Variants in RBBP4 observed in about 807,000 individuals in gnomAD.
RBBP4 encodes the protein histone-binding protein RBBP4.
Under a neutral mutation model 57.2 loss-of-function variants are expected in RBBP4, and 3 were observed. The observed-to-expected ratio is 0.05, with a 90% confidence interval of 0.02 to 0.14. The LOEUF (loss-of-function observed/expected upper bound fraction) is 0.14. Ranked by LOEUF, RBBP4 falls within the 10% of genes least tolerant of loss-of-function variation. The pLI, the probability that RBBP4 is intolerant of heterozygous loss-of-function variation, is 1.00. For synonymous variants in RBBP4, 151 were observed against 171.5 expected (o/e 0.88, Z 0.93); for missense variants, 107 against 520.6 (o/e 0.21, Z 7.73).
rs1367611091 is a variant in RBBP4, at chr1:32,682,707, G to T, written c.*3002G>T. 3.3e-5 allele frequency: 5 copies of T among 151,952 alleles called. No homozygotes were observed. The highest frequency in any genetic ancestry group is 4.8e-5 in the African/African-American group (2 of 41,348). The allele number at this position is 151,952 out of a possible 1,614,324, so 9.4% of individuals were successfully genotyped here. A position where few individuals can be genotyped will look rare whatever the true frequency, so the allele number is the denominator to read the frequency against. ...AATCACTTGAACCCAGGAGGTGGAGGTTGCAGTGAACTGAGACCGTGCCAC... is the reference window on the plus strand; with the variant it reads ...AATCACTTGAACCCAGGAGGTGGAGTTTGCAGTGAACTGAGACCGTGCCAC... On this transcript the variant is annotated 3_prime_UTR_variant, in exon 12 of 12. Coordinates refer to ENST00000373493, the MANE Select transcript of RBBP4 (RefSeq NM_005610.3).
At chr1:32,668,201 C>T (rs1267047022) in intron 3 of RBBP4, 24 bp from the exon 4 acceptor site, 2 of 1,600,860 alleles carry the variant, frequency 1.2e-6, no homozygotes, top group Admixed American at 1.7e-5. Context: ...GTTTTGTCCT[C>T]ATTTGCAATT....
intron 3 of RBBP4, among the ~76,000 whole-genome samples, chr1:32,660,588 A>ATT (rs4011925): frequency 0.83 from 119,118 of 144,362 alleles, 51,281 homozygotes; most frequent in Non-Finnish European, 0.95. Flanking sequence ...AGATAACTTA[A>ATT]TTTTTTTTTT....
Position 32,680,354 on chromosome 1 carries a change from T to G in RBBP4, c.*649T>G. The stretch of plus-strand genomic sequence containing the variant: ...TGAAATGGTGTTTTTTTTTTTGTTG[T>G]TGGTTTTTTTTTTTTTTTTTTTAAC... On this transcript the variant is annotated 3_prime_UTR_variant, in exon 12 of 12. Transcript: ENST00000373493. The G allele has an allele frequency of 6.7e-6, 8 of 1,189,366 alleles. No individual in the cohort carries two copies. Among genetic ancestry groups the G allele is most frequent in the Non-Finnish European group, 8.4e-6 (8 of 952,760 alleles). 73.7% of individuals were successfully genotyped at this position (1,189,366 alleles called of 1,614,324 possible).
chr1:32,684,021 G>A lies in RBBP4; in HGVS notation c.*4316G>A. ...TTCACAAAGATCACCTTGAGACTGT[G>A]TCTCCATTCCACCTGCCTGAGAAGT... On this transcript the variant is annotated 3_prime_UTR_variant, in exon 12 of 12. Coordinates refer to ENST00000373493, the MANE Select transcript of RBBP4 (RefSeq NM_005610.3). The A allele has an allele frequency of 6.2e-7, 1 of 1,614,104 alleles. No homozygotes were observed.
intron 8 of RBBP4, among the ~76,000 whole-genome samples, chr1:32,671,644 A>C (rs982394723): frequency 1.3e-5 from 2 of 151,800 alleles, no homozygotes; most frequent in African/African-American, 4.8e-5. Flanking sequence ...AGATCCCTTG[A>C]GCCCAAGAGT....
rs193182054 is a variant in RBBP4, at chr1:32,684,656, G to A, written c.*4951G>A. 8.7e-5 allele frequency: 35 copies of A among 403,004 alleles called. No individual in the cohort carries two copies. In the Admixed American group the frequency reaches 1.2e-3, roughly 14 times the overall value. 25.0% of individuals were successfully genotyped at this position (403,004 alleles called of 1,614,324 possible). A position where few individuals can be genotyped will look rare whatever the true frequency, so the allele number is the denominator to read the frequency against. Reference sequence around the variant, plus strand: ...CTGGGAGGGTGATTGGGACTTTTTAGTATTACAACCTTAGTGTCATTGAGG... The same window carrying A: ...CTGGGAGGGTGATTGGGACTTTTTAATATTACAACCTTAGTGTCATTGAGG... On this transcript the variant is annotated 3_prime_UTR_variant, in exon 12 of 12. Transcript: ENST00000373493.
At chr1:32,656,137 G>A (rs1222117846) in intron 2 of RBBP4, among the ~76,000 whole-genome samples, 1 of 152,050 alleles carries the variant, frequency 6.6e-6, no homozygotes, top group Non-Finnish European at 1.5e-5. Flanking sequence ...CAGCATACTT[G>A]TTACTTAGTA....
intron 2 of RBBP4, among the ~76,000 whole-genome samples, chr1:32,652,688 C>A (rs968813617): frequency 6.6e-6 from 1 of 152,032 alleles, no homozygotes; most frequent in Admixed American, 6.6e-5. Flanking sequence ...ATTACAGGCA[C>A]CTGCCACCAC....
chr1:32,673,817 G>A (rs1294378180), intron 11 of RBBP4, among the ~76,000 whole-genome samples: 2 of 151,942 alleles, frequency 1.3e-5, no homozygotes, highest in Non-Finnish European at 2.9e-5. Context: ...AGTTATATTC[G>A]GCCGAGCACG....
At chr1:32,659,933 C>T (rs1438313020) in intron 3 of RBBP4, among the ~76,000 whole-genome samples, 1 of 152,058 alleles carries the variant, frequency 6.6e-6, no homozygotes, top group Admixed American at 6.6e-5. Context: ...AAGGGCAGGA[C>T]CGTTTTTTAA....
In RBBP4 at chr1:32,681,811, T is replaced by A; in HGVS notation, c.*2106T>A. On this transcript the variant is annotated 3_prime_UTR_variant, in exon 12 of 12. Transcript: ENST00000373493. ...ACTTAGTGATCCTTTGCTAAGAAGTTTTTTGCTGTTTCCGGGTTACAGATT... is the reference window on the plus strand; with the variant it reads ...ACTTAGTGATCCTTTGCTAAGAAGTATTTTGCTGTTTCCGGGTTACAGATT... 6.2e-7 allele frequency: 1 copy of A among 1,614,162 alleles called. No individual in the cohort carries two copies. The highest frequency in any genetic ancestry group is 8.5e-7 in the Non-Finnish European group (1 of 1,180,020).
At chr1:32,659,785 C>G (rs930384701) in intron 3 of RBBP4, among the ~76,000 whole-genome samples, 3 of 152,116 alleles carry the variant, frequency 2.0e-5, no homozygotes, top group African/African-American at 7.2e-5. Context: ...TAGATGGAGA[C>G]CTGCCTCCTT....
At chr1:32,657,606 T>C (rs201540189) in intron 3 of RBBP4, 34 bp downstream of exon 3, 116 of 1,606,156 alleles carry the variant, frequency 7.2e-5, no homozygotes, top group Non-Finnish European at 8.8e-5. Context: ...AGTAAAGATG[T>C]GTGGGTCATA....
chr1:32,662,831 A>C (rs1411545922), intron 3 of RBBP4, among the ~76,000 whole-genome samples: 2 of 151,798 alleles, frequency 1.3e-5, no homozygotes, highest in African/African-American at 4.8e-5. Flanking sequence ...TAAAAATACA[A>C]AAATTAGCTG....
chr1:32,678,738 C>T (rs1481609161), intron 11 of RBBP4, among the ~76,000 whole-genome samples: 2 of 151,678 alleles, frequency 1.3e-5, no homozygotes, highest in East Asian at 3.9e-4. Context: ...CACAGGGGTG[C>T]ACCCCCACAC....
At position 32,651,251 on chromosome 1, in the gene RBBP4, T is replaced by C; in HGVS notation, c.-56T>C. The C allele has an allele frequency of 6.7e-7, 1 of 1,502,274 alleles. No individual in the cohort carries two copies. The highest frequency in any genetic ancestry group is 8.9e-7 in the Non-Finnish European group (1 of 1,125,558). 93.1% of individuals were successfully genotyped at this position (1,502,274 alleles called of 1,614,324 possible). On this transcript the variant is annotated 5_prime_UTR_variant, in exon 1 of 12. Transcript: ENST00000373493. ...GCGCACAGAGCGAGCTCTTGCAGCC[T>C]CCCCGCCCCTCCCGCAACGCTCGAC...
intron 3 of RBBP4, among the ~76,000 whole-genome samples, chr1:32,657,917 ATCT>A (rs1455599426): frequency 2.6e-5 from 4 of 151,998 alleles, no homozygotes; most frequent in East Asian, 3.9e-4. Context: ...TAGTGGCACG[ATCT>A]TCTCTCACTG....
In RBBP4 at chr1:32,682,001, T is replaced by C; in HGVS notation, c.*2296T>C. 1 of 705,728 alleles carries C rather than the reference T, an allele frequency of 1.4e-6. No homozygotes were observed. Among genetic ancestry groups the C allele is most frequent in the Non-Finnish European group, 2.5e-6 (1 of 407,462 alleles). The allele number at this position is 705,728 out of a possible 1,614,324, so 43.7% of individuals were successfully genotyped here. ...CCCTAGCAAATATTTGGATGCCTCC[T>C]GTTTGTCAAATAGAATGAATGGTGA... On this transcript the variant is annotated 3_prime_UTR_variant, in exon 12 of 12. Coordinates refer to ENST00000373493, the MANE Select transcript of RBBP4 (RefSeq NM_005610.3).
At chr1:32,678,509 G>A (rs1199361679) in intron 11 of RBBP4, among the ~76,000 whole-genome samples, 1 of 141,928 alleles carries the variant, frequency 7.0e-6, no homozygotes, top group Non-Finnish European at 1.5e-5. Context: ...TTACAGGCGT[G>A]TGCCACCACA....
Sources: allele counts gnomAD v4.1 joint callset (sites outside exome capture counted in the v4.1 genomes callset), GRCh38; gene constraint gnomAD v4.1.1; transcripts MANE v1.5; gene names NCBI Gene and HGNC (gene_info 2026-07-23, HGNC 2026-07-21).